Variants in LUC7L2 observed in about 807,000 individuals in gnomAD.
The protein encoded by LUC7L2 is LUC7 like 2, pre-mRNA splicing factor.
A neutral mutation model predicts 52.8 loss-of-function variants in LUC7L2; 25 were observed. The observed-to-expected ratio is 0.47, with a 90% confidence interval of 0.34 to 0.66. The LOEUF (loss-of-function observed/expected upper bound fraction) is 0.66. Among genes scored for constraint, LUC7L2 ranks in the 30% least tolerant of loss-of-function variants. The pLI, the probability that LUC7L2 is intolerant of heterozygous loss-of-function variation, is 0.01. For missense variants in LUC7L2, 328 were observed against 497.8 expected, an observed-to-expected ratio of 0.66 and a Z score of 3.25; for synonymous variants, 144 against 160.9, an observed-to-expected ratio of 0.89 and a Z score of 0.80.
intron 1 of LUC7L2, among the ~76,000 whole-genome samples, chr7:139,341,783 G>T (rs1798992569): frequency 6.6e-6 from 1 of 152,306 alleles, no homozygotes. Context: ...CCGTCCCGAA[G>T]GATTTCATTG....
rs1800667395 is a variant in LUC7L2 at position 139,375,610 on chromosome 7, TTA to T, written c.62-450_62-449del. ...TATGCAATGTTTGCAAGATTATTTTTTATGTTTTTCAATTACTGTAAATAAAA... is the reference window on the plus strand; with the variant it reads ...TATGCAATGTTTGCAAGATTATTTTTTGTTTTTCAATTACTGTAAATAAAA... On this transcript the variant is annotated intron_variant, in intron 1 of 9. Coordinates refer to ENST00000354926, the MANE Select transcript of LUC7L2 (RefSeq NM_016019.5). 114 of 985,836 alleles carry T rather than the reference TTA, an allele frequency of 1.2e-4. 2 individuals are homozygous for T. The South Asian group carries it at 5.0e-3, about 43-fold the overall frequency. The allele number at this position is 985,836 out of a possible 1,614,324, so 61.1% of individuals were successfully genotyped here. A position where few individuals can be genotyped will look rare whatever the true frequency, so the allele number is the denominator to read the frequency against.
In LUC7L2 at chr7:139,345,529, A is replaced by G. The variant is rs748933522; in HGVS notation, c.-26+5012A>G. On this transcript the variant is annotated intron_variant, in intron 1 of 10. Transcript: ENST00000541170. ...ACCAGTGAAAAGTTGTGCAGAGCCC[A>G]ACATGAGCTTCATTTCCAAGCTGCC... The G allele has an allele frequency of 8.1e-6, 13 of 1,614,186 alleles. No homozygotes were observed. In the South Asian group the frequency reaches 1.3e-4, roughly 16 times the overall value.
intron 1 of LUC7L2, among the ~76,000 whole-genome samples, chr7:139,342,509 T>C (rs1430067422): frequency 6.6e-6 from 1 of 152,072 alleles, no homozygotes; most frequent in Non-Finnish European, 1.5e-5. Context: ...ACTTAAACTT[T>C]ATTGTAAGTG....
At chr7:139,413,706 A>T (rs546609296) in intron 8 of LUC7L2, among the ~76,000 whole-genome samples, 3 of 152,304 alleles carry the variant, frequency 2.0e-5, no homozygotes, top group Admixed American at 2.0e-4. Flanking sequence ...TGAACCCAGG[A>T]GGTGGAGGTT....
chr7:139,340,483 C>G (rs994717671), exon 1 of LUC7L2: 1 of 398,450 alleles, frequency 2.5e-6, no homozygotes, highest in African/African-American at 2.1e-5. Flanking sequence ...TGCGCGCGCC[C>G]GTTCAACGTC....
At chr7:139,349,469 T>C (rs1799379125) in intron 1 of LUC7L2, among the ~76,000 whole-genome samples, 2 of 152,242 alleles carry the variant, frequency 1.3e-5, no homozygotes, top group East Asian at 1.9e-4. Context: ...ACAAACTATA[T>C]TGGCAGTAAA....
At chr7:139,404,693 C>G (rs553481468) in intron 4 of LUC7L2, among the ~76,000 whole-genome samples, 19 of 152,112 alleles carry the variant, frequency 1.2e-4, no homozygotes, top group Non-Finnish European at 2.5e-4. Context: ...TATTCTTTCC[C>G]AAGGCCAGAG....
chr7:139,376,252 T>C, intron 2 of LUC7L2, 96 bp downstream of exon 2: 1 of 1,260,046 alleles, frequency 7.9e-7, no homozygotes, highest in Non-Finnish European at 1.1e-6. Context: ...AATTGACTTG[T>C]GAGGGGAGAT....
chr7:139,394,453 C>G (rs555481942), intron 2 of LUC7L2, among the ~76,000 whole-genome samples: 1 of 152,144 alleles, frequency 6.6e-6, no homozygotes, highest in Non-Finnish European at 1.5e-5. Context: ...TCATTTTGTT[C>G]TTAGTCTACA....
At position 139,398,649 on chromosome 7, in the gene LUC7L2, G is replaced by A. The variant is rs777999061; in HGVS notation, c.207G>A (p.Ala69=). 7.2e-5 allele frequency: 116 copies of A among 1,612,162 alleles called. No homozygotes were observed. Among genetic ancestry groups the A allele is most frequent in the Non-Finnish European group, 9.5e-5 (112 of 1,179,348 alleles). The stretch of plus-strand genomic sequence containing the variant: ...AAGTCCATGACCTGGCTTTAAGAGC[G>A]GATTATGAAATTGCATCCAAAGAAC... ...CLKVHDLALR[A]DYEIASKEQD... The change falls in exon 3 of 10, where the codon GCG becomes GCA. Residue 69 remains alanine, a synonymous_variant. Coordinates refer to ENST00000354926, the MANE Select transcript of LUC7L2 (RefSeq NM_016019.5).
At chr7:139,374,302 T>A (rs1800601556) in intron 1 of LUC7L2, 1 of 865,710 alleles carries the variant, frequency 1.2e-6, no homozygotes, top group African/African-American at 1.7e-5. Flanking sequence ...TAAAAGAATC[T>A]TTACAGTCAA....
At chr7:139,370,870 G>A (rs187560508) in intron 1 of LUC7L2, among the ~76,000 whole-genome samples, 89 of 148,708 alleles carry the variant, frequency 6.0e-4, no homozygotes, top group African/African-American at 1.9e-3. Context: ...AGCAGCTTAT[G>A]TTGGAAGAAA....
At chr7:139,419,067 A>G (rs968713253) in intron 9 of LUC7L2, among the ~76,000 whole-genome samples, 1 of 151,842 alleles carries the variant, frequency 6.6e-6, no homozygotes, top group African/African-American at 2.4e-5. Context: ...CCAAGATCGC[A>G]CCACTGCACT....
intron 1 of LUC7L2, among the ~76,000 whole-genome samples, chr7:139,369,617 A>T (rs908058161): frequency 1.3e-5 from 2 of 152,216 alleles, no homozygotes; most frequent in African/African-American, 4.8e-5. Flanking sequence ...TTTTTCTTCT[A>T]CTAACAAGGC....
chr7:139,370,716 A>C (rs1350251865), intron 1 of LUC7L2, among the ~76,000 whole-genome samples: 3 of 152,160 alleles, frequency 2.0e-5, no homozygotes, highest in Non-Finnish European at 4.4e-5. Flanking sequence ...TGCCCACCCA[A>C]AGTGCTGGGA....
chr7:139,345,421 G>T, intron 1 of LUC7L2: 11 of 1,565,168 alleles, frequency 7.0e-6, no homozygotes, highest in Non-Finnish European at 9.5e-6. Flanking sequence ...TCACTCTAGT[G>T]AATGCTTATT....
At chr7:139,395,380 GT>G (rs1016878232) in intron 2 of LUC7L2, among the ~76,000 whole-genome samples, 62 of 152,080 alleles carry the variant, frequency 4.1e-4, no homozygotes, top group African/African-American at 1.5e-3. Flanking sequence ...TTTACTTTTT[GT>G]TTATTGTCAC....
chr7:139,414,024 AAC>A (rs1289264470), intron 8 of LUC7L2, among the ~76,000 whole-genome samples: 2 of 152,164 alleles, frequency 1.3e-5, no homozygotes. Context: ...TTGCACATAG[AAC>A]ATCTTTAGAT....
intron 1 of LUC7L2, chr7:139,371,319 T>C (rs1174695700): frequency 4.2e-6 from 3 of 715,382 alleles, no homozygotes; most frequent in South Asian, 3.0e-5. Flanking sequence ...CCATTAAATA[T>C]GTCAAATATT....
Sources: gnomAD v4.1 joint callset for allele counts (sites outside exome capture counted in the v4.1 genomes callset) on GRCh38, gnomAD v4.1.1 for gene constraint, MANE v1.5 for transcripts, NCBI Gene and HGNC (gene_info 2026-07-23, HGNC 2026-07-21) for gene names.